The following EYA1 variants were observed in gnomAD, a reference collection of about 807,000 sequenced individuals.
EYA1 encodes protein phosphatase EYA1.
Under a neutral mutation model 82.0 loss-of-function variants are expected in EYA1, and 16 were observed. That is an observed-to-expected ratio of 0.20 (90% CI 0.13 to 0.30). EYA1 has a LOEUF of 0.30. Among genes scored for constraint, EYA1 ranks in the 10% least tolerant of loss-of-function variants. The pLI, the probability that EYA1 is intolerant of heterozygous loss-of-function variation, is 1.00. For synonymous variants in EYA1, 261 were observed against 264.4 expected (o/e 0.99, Z 0.12); for missense variants, 633 against 730.7 (o/e 0.87, Z 1.54).
At chr8:71,280,960 G>A (rs991814532) in intron 9 of EYA1, among the ~76,000 whole-genome samples, 3 of 152,050 alleles carry the variant, frequency 2.0e-5, no homozygotes, top group Non-Finnish European at 2.9e-5. Flanking sequence ...GTTCCGCCAC[G>A]TTGCCAGGCT....
intron 11 of EYA1, among the ~76,000 whole-genome samples, chr8:71,264,522 C>T (rs1440214572): frequency 6.6e-6 from 1 of 151,922 alleles, no homozygotes; most frequent in South Asian, 2.1e-4. Context: ...TTCTTACTAT[C>T]GGTTGTTGCC....
intron 3 of EYA1, among the ~76,000 whole-genome samples, chr8:71,347,985 C>G (rs930776091): frequency 6.6e-6 from 1 of 150,648 alleles, no homozygotes; most frequent in East Asian, 2.0e-4. Context: ...GGGTCCTAAA[C>G]GTTAACATAA....
chr8:71,294,303 C>CA (rs1819345866), intron 9 of EYA1, among the ~76,000 whole-genome samples: 1 of 151,872 alleles, frequency 6.6e-6, no homozygotes, highest in South Asian at 2.1e-4. Context: ...ACTAAAAATA[C>CA]AAAAAATTAG....
intron 2 of EYA1, among the ~76,000 whole-genome samples, chr8:71,395,277 C>G (rs28887316): frequency 6.6e-6 from 1 of 151,808 alleles, no homozygotes; most frequent in African/African-American, 2.4e-5. Context: ...ATTGAATAAC[C>G]TTTATTTCTT....
At chr8:71,495,967 A>C (rs1811381098) in intron 2 of EYA1, among the ~76,000 whole-genome samples, 1 of 152,224 alleles carries the variant, frequency 6.6e-6, no homozygotes. Flanking sequence ...AAAGTTTTGC[A>C]AAAGGTTGGA....
intron 16 of EYA1, among the ~76,000 whole-genome samples, chr8:71,213,171 GA>G (rs1327508141): frequency 2.7e-5 from 4 of 146,822 alleles, no homozygotes; most frequent in East Asian, 2.0e-4. Context: ...TTTCTGTATT[GA>G]AAAAAAAATA....
At chr8:71,231,223 A>C (rs1811154115) in intron 12 of EYA1, among the ~76,000 whole-genome samples, 1 of 152,204 alleles carries the variant, frequency 6.6e-6, no homozygotes, top group South Asian at 2.1e-4. Flanking sequence ...ATTTCTCATC[A>C]TTATTGACCC....
intron 2 of EYA1, among the ~76,000 whole-genome samples, chr8:71,440,391 G>C (rs897209059): frequency 2.6e-5 from 4 of 152,130 alleles, no homozygotes; most frequent in African/African-American, 9.7e-5. Flanking sequence ...ACATGGGCAG[G>C]GCTGGTCAAA....
intron 12 of EYA1, among the ~76,000 whole-genome samples, chr8:71,244,035 T>C (rs758951008): frequency 3.9e-5 from 6 of 152,234 alleles, no homozygotes; most frequent in Non-Finnish European, 5.9e-5. Context: ...TCAAGACCAT[T>C]GTGATTGTCA....
At chr8:71,508,567 G>A (rs780488278) in intron 2 of EYA1, among the ~76,000 whole-genome samples, 1 of 152,184 alleles carries the variant, frequency 6.6e-6, no homozygotes, top group East Asian at 1.9e-4. Flanking sequence ...AAATGATTCT[G>A]TCATGAGGGT....
intron 2 of EYA1, among the ~76,000 whole-genome samples, chr8:71,468,108 T>C (rs1271597908): frequency 6.6e-6 from 1 of 152,176 alleles, no homozygotes; most frequent in Non-Finnish European, 1.5e-5. Context: ...TTATCTCTAT[T>C]TTCAAAGAAA....
intron 2 of EYA1, among the ~76,000 whole-genome samples, chr8:71,422,382 G>A (rs977079485): frequency 6.6e-6 from 1 of 152,288 alleles, no homozygotes; most frequent in Admixed American, 6.5e-5. Flanking sequence ...TTTGGTAACA[G>A]GAATGGGAAC....
chr8:71,381,363 C>A (rs1375370039), intron 2 of EYA1, among the ~76,000 whole-genome samples: 1 of 152,230 alleles, frequency 6.6e-6, no homozygotes, highest in African/African-American at 2.4e-5. Flanking sequence ...GAAGCTTCTT[C>A]TGCCCTGTCA....
intron 9 of EYA1, among the ~76,000 whole-genome samples, chr8:71,282,678 G>A (rs980237902): frequency 6.6e-6 from 1 of 152,074 alleles, no homozygotes; most frequent in African/African-American, 2.4e-5. Context: ...TTTCCCAGCT[G>A]GCTAACGTGG....
Position 71,412,435 on chromosome 8 carries a change from G to A in EYA1, c.34-55924C>T, listed in dbSNP as rs368397408. Among the ~76,000 whole-genome samples, 394 of 146,562 alleles carry A rather than the reference G, an allele frequency of 2.7e-3. 2 individuals are homozygous for A. Among genetic ancestry groups the A allele is most frequent in the African/African-American group, 9.1e-3 (370 of 40,848 alleles). ...ATAAAATAAAATAAAATAAAAAAAAGAAATTGTTGTTCATTTATCTTAGAT... is the reference window on the plus strand; with the variant it reads ...ATAAAATAAAATAAAATAAAAAAAAAAAATTGTTGTTCATTTATCTTAGAT... On this transcript the variant is annotated intron_variant, in intron 2 of 18. Coordinates refer to the EYA1 transcript ENST00000643681.
intron 3 of EYA1, among the ~76,000 whole-genome samples, chr8:71,346,431 AAT>A (rs3066856): frequency 0.021 from 2,178 of 105,438 alleles, 84 homozygotes; most frequent in African/African-American, 0.057. Flanking sequence ...TACTGCAGTG[AAT>A]ATATATATAT....
chr8:71,426,289 C>T (rs1805223031), intron 2 of EYA1, among the ~76,000 whole-genome samples: 1 of 152,180 alleles, frequency 6.6e-6, no homozygotes, highest in South Asian at 2.1e-4. Context: ...ATTATCGTTT[C>T]CATGTGAAGT....
intron 2 of EYA1, among the ~76,000 whole-genome samples, chr8:71,417,360 A>G (rs1830910004): frequency 6.6e-6 from 1 of 152,220 alleles, no homozygotes; most frequent in African/African-American, 2.4e-5. Flanking sequence ...ACATTTATCA[A>G]TGGTTGTAGA....
upstream of EYA1, among the ~76,000 whole-genome samples, chr8:71,365,113 A>G (rs968970614): frequency 1.6e-4 from 24 of 151,576 alleles, no homozygotes; most frequent in Middle Eastern, 3.4e-3. Context: ...ACAACAATCT[A>G]AAAGGTAACT....
Sources: gnomAD v4.1 joint callset for allele counts (sites outside exome capture counted in the v4.1 genomes callset) on GRCh38, gnomAD v4.1.1 for gene constraint, MANE v1.5 for transcripts, NCBI Gene and HGNC (gene_info 2026-07-23, HGNC 2026-07-21) for gene names.